Variants in LRIG1 observed in about 807,000 individuals in gnomAD.
LRIG1 encodes the protein leucine-rich repeats and immunoglobulin-like domains protein 1.
LRIG1 carries 48 observed loss-of-function variants against 99.2 expected under a neutral mutation model. That is an observed-to-expected ratio of 0.48 (90% CI 0.38 to 0.62). LRIG1 has a LOEUF of 0.62. Among genes scored for constraint, LRIG1 ranks in the 20% least tolerant of loss-of-function variants. LRIG1 has a pLI of 0.00. For missense variants in LRIG1, 1,646 were observed against 1,434.4 expected, an observed-to-expected ratio of 1.15 and a Z score of -2.38; for synonymous variants, 772 against 596.1, an observed-to-expected ratio of 1.29 and a Z score of -4.30.
chr3:66,468,618 G>C (rs553585587), intron 1 of LRIG1, among the ~76,000 whole-genome samples: 4 of 152,180 alleles, frequency 2.6e-5, no homozygotes, highest in Non-Finnish European at 5.9e-5. Context: ...CTGAGCACCA[G>C]TGGGCACCCA....
chr3:66,463,507 C>A (rs1039454795), intron 1 of LRIG1, among the ~76,000 whole-genome samples: 2 of 152,170 alleles, frequency 1.3e-5, no homozygotes, highest in African/African-American at 4.8e-5. Flanking sequence ...GCAAGCTGGG[C>A]AACTATTCTG....
At chr3:66,472,524 C>G (rs757193073) in intron 1 of LRIG1, among the ~76,000 whole-genome samples, 1 of 152,044 alleles carries the variant, frequency 6.6e-6, no homozygotes, top group Non-Finnish European at 1.5e-5. Flanking sequence ...ACACACTACA[C>G]GCTCACACCT....
At chr3:66,478,872 G>A (rs1700784042) in intron 1 of LRIG1, among the ~76,000 whole-genome samples, 1 of 152,132 alleles carries the variant, frequency 6.6e-6, no homozygotes, top group Admixed American at 6.5e-5. Flanking sequence ...TACCCCCAGA[G>A]GCCTGCAGAG....
chr3:66,488,464 T>TAAAA (rs1223885188), intron 1 of LRIG1, among the ~76,000 whole-genome samples: 1 of 101,418 alleles, frequency 9.9e-6, no homozygotes, highest in African/African-American at 3.2e-5. Flanking sequence ...CTGTCTCTAC[T>TAAAA]AAAAAAAAAC....
At chr3:66,388,547 G>A (rs769780372) in intron 12 of LRIG1, among the ~76,000 whole-genome samples, 1 of 152,062 alleles carries the variant, frequency 6.6e-6, no homozygotes, top group Non-Finnish European at 1.5e-5. Context: ...AGATCCAAAC[G>A]CAGATTCATC....
chr3:66,466,151 C>A (rs1343661428), intron 1 of LRIG1, among the ~76,000 whole-genome samples: 1 of 152,148 alleles, frequency 6.6e-6, no homozygotes, highest in African/African-American at 2.4e-5. Flanking sequence ...CCTGTTTCAG[C>A]CTCCCAAGTA....
At chr3:66,383,787 T>C (rs1334390788) in intron 14 of LRIG1, among the ~76,000 whole-genome samples, 1 of 152,302 alleles carries the variant, frequency 6.6e-6, no homozygotes, top group East Asian at 1.9e-4. Context: ...ATGAAGACTC[T>C]TAATTCACCA....
intron 2 of LRIG1, among the ~76,000 whole-genome samples, chr3:66,454,644 A>G (rs1398563241): frequency 6.6e-6 from 1 of 152,166 alleles, no homozygotes; most frequent in Non-Finnish European, 1.5e-5. Context: ...CCTCAGATGC[A>G]TCAGACCCAT....
In LRIG1 at chr3:66,381,623, G is replaced by C; in HGVS notation, c.2626C>G (p.Pro876Ala). 1 of 1,613,410 alleles carries C rather than the reference G, an allele frequency of 6.2e-7. No homozygotes were observed. Among genetic ancestry groups the C allele is most frequent in the Non-Finnish European group, 8.5e-7 (1 of 1,179,398 alleles). ...TCTGGAAAGTGGCTTGCATCTCTTG[G>C]ACACACACCTGCAAGTGGATTCCAA... is the stretch of plus-strand genomic sequence containing the variant. ...NGHIESNGVC[P>A]RDASHFPEPD... Residue 876 changes from proline to alanine, a missense_variant, in exon 17 of 19, where the codon CCA becomes GCA. Coordinates refer to ENST00000273261, the MANE Select transcript of LRIG1 (RefSeq NM_015541.3).
At chr3:66,388,340 G>A (rs1279047499) in intron 12 of LRIG1, among the ~76,000 whole-genome samples, 1 of 151,974 alleles carries the variant, frequency 6.6e-6, no homozygotes, top group Non-Finnish European at 1.5e-5. Context: ...AAAAAAGAAT[G>A]AGGTAAAATG....
chr3:66,381,379 C>G lies in LRIG1; in HGVS notation c.2770+100G>C, dbSNP rs1701052543. On this transcript the variant is annotated intron_variant, in intron 17 of 18. Coordinates refer to ENST00000273261, the MANE Select transcript of LRIG1 (RefSeq NM_015541.3). Reference sequence around the variant, plus strand: ...TACTGAATACCAAATTTGGAGACAGCTGTGGACTAGGAATGTGTCTCCCCC... The same window carrying G: ...TACTGAATACCAAATTTGGAGACAGGTGTGGACTAGGAATGTGTCTCCCCC... The G allele has an allele frequency of 4.1e-6, 5 of 1,217,710 alleles. No homozygotes were observed. In the East Asian group the frequency reaches 9.4e-5, roughly 23 times the overall value. The allele number at this position is 1,217,710 out of a possible 1,614,324, so 75.4% of individuals were successfully genotyped here.
At chr3:66,452,864 T>C (rs999809533) in intron 2 of LRIG1, among the ~76,000 whole-genome samples, 5 of 152,228 alleles carry the variant, frequency 3.3e-5, no homozygotes, top group African/African-American at 4.8e-5. Context: ...CCTGTTTCAA[T>C]AGCTTCATGG....
At chr3:66,421,299 T>A (rs1040877843) in intron 3 of LRIG1, among the ~76,000 whole-genome samples, 2 of 152,182 alleles carry the variant, frequency 1.3e-5, no homozygotes, top group African/African-American at 4.8e-5. Flanking sequence ...AAGTCCACAG[T>A]CCAAAGTCTC....
rs768536302 is a variant in LRIG1, at chr3:66,386,093, G to C, written c.1677C>G (p.Thr559=). ...HAQDGEVMEY[T]TILHLRQVTF... The stretch of plus-strand genomic sequence containing the variant: ...TGACCTGACGGAGGTGCAGGATGGT[G>C]GTGTACTCCATCACTTCCCCGTCCT... Residue 559 remains threonine, a synonymous_variant, in exon 13 of 19, where the codon ACC becomes ACG. Coordinates refer to ENST00000273261, the MANE Select transcript of LRIG1 (RefSeq NM_015541.3). The C allele has an allele frequency of 6.2e-7, 1 of 1,614,166 alleles. No homozygotes were observed. The highest frequency in any genetic ancestry group is 1.1e-5 in the South Asian group (1 of 91,082).
At chr3:66,419,156 C>T (rs1244704573) in intron 3 of LRIG1, among the ~76,000 whole-genome samples, 6 of 152,284 alleles carry the variant, frequency 3.9e-5, no homozygotes, top group East Asian at 1.9e-4. Flanking sequence ...CGGGCGCCAC[C>T]GGCCCAGAAA....
At chr3:66,475,268 T>A (rs1012165914) in intron 1 of LRIG1, among the ~76,000 whole-genome samples, 4 of 152,292 alleles carry the variant, frequency 2.6e-5, no homozygotes, top group Non-Finnish European at 5.9e-5. Flanking sequence ...TTCCCTCCAA[T>A]AAACATGCTA....
At chr3:66,382,447 A>C in intron 15 of LRIG1, 49 bp from the exon 16 acceptor site, 8 of 1,609,756 alleles carry the variant, frequency 5.0e-6, no homozygotes, top group Non-Finnish European at 6.8e-6. Context: ...GTGACAAGAA[A>C]TGCAGACACA....
At chr3:66,441,148 A>C (rs958308901) in intron 3 of LRIG1, among the ~76,000 whole-genome samples, 2 of 152,182 alleles carry the variant, frequency 1.3e-5, no homozygotes, top group African/African-American at 2.4e-5. Flanking sequence ...GGCCCCTGAG[A>C]GGGCAGCCCA....
Position 66,380,916 on chromosome 3 carries a change from CCACA to C in LRIG1, c.2771-59_2771-56del. On this transcript the variant is annotated intron_variant, in intron 17 of 18. Transcript: ENST00000273261. ...GTCACTGCTGTGGGAGTCTTCGTCC[CCACA>C]CAGAGGACAGGCTGCTCAGCTCCAC... is the stretch of plus-strand genomic sequence containing the variant. 5 of 1,574,784 alleles carry C rather than the reference CCACA, an allele frequency of 3.2e-6. No individual in the cohort carries two copies. The South Asian group carries it at 5.8e-5, about 18-fold the overall frequency.
Sources: gnomAD v4.1 joint callset for allele counts (sites outside exome capture counted in the v4.1 genomes callset) on GRCh38, gnomAD v4.1.1 for gene constraint, MANE v1.5 for transcripts, NCBI Gene and HGNC (gene_info 2026-07-23, HGNC 2026-07-21) for gene names.